The following CDH4 variants were observed in gnomAD, a reference collection of about 807,000 sequenced individuals.
The protein encoded by CDH4 is cadherin-4.
Under a neutral mutation model 86.0 loss-of-function variants are expected in CDH4, and 33 were observed. The observed-to-expected ratio is 0.38, with a 90% CI of 0.29 to 0.51. The LOEUF is 0.51. CDH4 is among the 20% of genes least tolerant of loss of function. The pLI, the probability that CDH4 is intolerant of heterozygous loss-of-function variation, is 0.86. For missense variants in CDH4, 1,114 were observed against 1,307.4 expected (o/e 0.85, Z 2.28); for synonymous variants, 555 against 549.4 (o/e 1.01, Z -0.14).
At chr20:61,415,842 G>A (rs1407635900) in intron 2 of CDH4, among the ~76,000 whole-genome samples, 1 of 152,036 alleles carries the variant, frequency 6.6e-6, no homozygotes, top group Non-Finnish European at 1.5e-5. Flanking sequence ...TGGGATTACA[G>A]GTGTGCGCCA....
chr20:61,932,583 ACAG>A (rs963963846), intron 13 of CDH4, among the ~76,000 whole-genome samples: 2 of 115,544 alleles, frequency 1.7e-5, no homozygotes, highest in Non-Finnish European at 3.9e-5. Flanking sequence ...GAGCACACAC[ACAG>A]ATCTACACGC....
chr20:61,280,613 G>T (rs538446915), intron 2 of CDH4, among the ~76,000 whole-genome samples: 1 of 152,228 alleles, frequency 6.6e-6, no homozygotes, highest in African/African-American at 2.4e-5. Context: ...ACAAGGCTGG[G>T]GTAGTGATAT....
chr20:61,493,645 G>C (rs2085640158), intron 2 of CDH4, among the ~76,000 whole-genome samples: 1 of 152,178 alleles, frequency 6.6e-6, no homozygotes, highest in South Asian at 2.1e-4. Context: ...CTGCACACAG[G>C]GTAGATTCCC....
At chr20:61,534,243 G>A (rs796915537) in intron 2 of CDH4, among the ~76,000 whole-genome samples, 3 of 152,306 alleles carry the variant, frequency 2.0e-5, no homozygotes, top group African/African-American at 7.2e-5. Context: ...ATATGATTGA[G>A]AGTGTTCCAT....
chr20:61,718,626 A>G (rs1354003166), intron 2 of CDH4: 2 of 372,940 alleles, frequency 5.4e-6, no homozygotes, highest in Non-Finnish European at 1.1e-5. Context: ...TGGGTGTCCT[A>G]AGGTGAACAG....
At chr20:61,789,605 T>A (rs920021307) in intron 4 of CDH4, among the ~76,000 whole-genome samples, 5 of 152,210 alleles carry the variant, frequency 3.3e-5, no homozygotes, top group African/African-American at 1.2e-4. Context: ...AAATTGTTGA[T>A]GTGCTCCGTG....
chr20:61,653,362 C>A (rs867864048), intron 2 of CDH4, among the ~76,000 whole-genome samples: 21 of 137,424 alleles, frequency 1.5e-4, no homozygotes, highest in African/African-American at 5.5e-4. Flanking sequence ...GGCAACCATC[C>A]GATTTCTCAA....
intron 2 of CDH4, among the ~76,000 whole-genome samples, chr20:61,279,556 G>T: frequency 6.6e-6 from 1 of 152,130 alleles, no homozygotes; most frequent in East Asian, 1.9e-4. Context: ...AGTGGGGGAA[G>T]GCTCCTGCAT....
intron 2 of CDH4, among the ~76,000 whole-genome samples, chr20:61,652,575 A>G (rs539404040): frequency 3.3e-5 from 5 of 152,318 alleles, no homozygotes; most frequent in Admixed American, 3.3e-4. Flanking sequence ...CCTTAGATAC[A>G]TTCTTAAAAA....
At chr20:61,637,016 A>G (rs2086954279) in intron 2 of CDH4, among the ~76,000 whole-genome samples, 1 of 152,072 alleles carries the variant, frequency 6.6e-6, no homozygotes, top group Non-Finnish European at 1.5e-5. Context: ...CAGTCCAGCA[A>G]AGGTTCCTGG....
chr20:61,444,909 GTGTGTGTGTC>G (rs1316927155), intron 2 of CDH4, among the ~76,000 whole-genome samples: 38 of 150,984 alleles, frequency 2.5e-4, no homozygotes, highest in East Asian at 9.8e-4. Context: ...GTGTGTCTGC[GTGTGTGTGTC>G]TGTGTGTGTC....
chr20:61,255,957 T>A (rs2427017), intron 2 of CDH4, among the ~76,000 whole-genome samples: 1 of 152,152 alleles, frequency 6.6e-6, no homozygotes, highest in Non-Finnish European at 1.5e-5. Flanking sequence ...ACTTAGTTTT[T>A]TTATCTAAAC....
At chr20:61,574,131 G>T (rs530081996) in intron 2 of CDH4, among the ~76,000 whole-genome samples, 2 of 152,352 alleles carry the variant, frequency 1.3e-5, no homozygotes, top group African/African-American at 4.8e-5. Context: ...TGGGCCCCTC[G>T]CCTGGAGCTT....
chr20:61,513,050 G>A (rs756011317), intron 2 of CDH4, among the ~76,000 whole-genome samples: 6 of 152,176 alleles, frequency 3.9e-5, no homozygotes, highest in African/African-American at 4.8e-5. Flanking sequence ...GAAGGAGGCC[G>A]TGCTGTCAAT....
chr20:61,618,271 G>C (rs576332203), intron 2 of CDH4, among the ~76,000 whole-genome samples: 7 of 152,156 alleles, frequency 4.6e-5, no homozygotes, highest in African/African-American at 1.7e-4. Context: ...GTAAATGTTC[G>C]TGAGAAAGGG....
chr20:61,892,329 CACCTACTCTGTGTTGGGCCCACGTTTG>C (rs1225534398), intron 7 of CDH4, among the ~76,000 whole-genome samples: 1 of 152,210 alleles, frequency 6.6e-6, no homozygotes, highest in Non-Finnish European at 1.5e-5. Context: ...TGTCATGGGG[CACCTACTCTGTGTTGGGCCCACGTTTG>C]ACCCTGGAGA....
At chr20:61,819,378 G>T (rs985229230) in intron 4 of CDH4, among the ~76,000 whole-genome samples, 1 of 150,926 alleles carries the variant, frequency 6.6e-6, no homozygotes, top group Non-Finnish European at 1.5e-5. Flanking sequence ...CGCGTCGCTC[G>T]CTCTGCCCCG....
At position 61,902,951 on chromosome 20, in the gene CDH4, C is replaced by T. The variant is rs549047479; in HGVS notation, c.1189-7471C>T. 1.5e-5 allele frequency among the ~76,000 whole-genome samples: 2 copies of T among 136,080 alleles called. No individual in the cohort carries two copies. Among genetic ancestry groups the T allele is most frequent in the Non-Finnish European group, 3.0e-5 (2 of 66,250 alleles). The allele number at this position is 136,080 out of a possible 152,430, so 89.3% of individuals were successfully genotyped here. A position where few individuals can be genotyped will look rare whatever the true frequency, so the allele number is the denominator to read the frequency against. ...GGAGGATCACTTGAGCCCAGGAGTT[C>T]GAGGCTGCAGTGAGGTGTGATCATG... On this transcript the variant is annotated intron_variant, in intron 8 of 15. Transcript: ENST00000614565. The surrounding 1 kb of genome is among the most constrained non-coding windows in gnomAD (Gnocchi z 4.6).
chr20:61,597,630 C>G (rs980476268), intron 2 of CDH4, among the ~76,000 whole-genome samples: 1 of 152,144 alleles, frequency 6.6e-6, no homozygotes, highest in Non-Finnish European at 1.5e-5. Context: ...GAGGGAGGGG[C>G]AGAGAGGCAG....
Sources: allele counts gnomAD v4.1 joint callset (sites outside exome capture counted in the v4.1 genomes callset), GRCh38; gene constraint gnomAD v4.1.1; non-coding constraint Gnocchi (gnomAD v3.1); transcripts MANE v1.5; gene names NCBI Gene and HGNC (gene_info 2026-07-23, HGNC 2026-07-21).